The following ADK variants were observed in gnomAD, a reference collection of about 807,000 sequenced individuals.
ADK encodes adenosine kinase.
Under a neutral mutation model 44.7 loss-of-function variants are expected in ADK, and 24 were observed. That is an observed-to-expected ratio of 0.54 (90% CI 0.39 to 0.76). The LOEUF is 0.76. Ranked by LOEUF, ADK falls within the 30% of genes least tolerant of loss-of-function variation. The pLI is 0.00. For missense variants in ADK, 321 were observed against 425.1 expected (o/e 0.76, Z 2.15); for synonymous variants, 128 against 142.6 (o/e 0.90, Z 0.73).
Position 74,372,054 on chromosome 10 carries a change from A to G in ADK, c.274-22087A>G, listed in dbSNP as rs997146663. 6 of 760,256 alleles carry G rather than the reference A, an allele frequency of 7.9e-6. No individual in the cohort carries two copies. In the African/African-American group the frequency reaches 1.0e-4, roughly 13 times the overall value. The allele number at this position is 760,256 out of a possible 1,614,324, so 47.1% of individuals were successfully genotyped here. ...TAAGGGAGCTCACTCAATGGGTTTG[A>G]TGTGGTGGATGCCAGCCCGGGAAGG... On this transcript the variant is annotated intron_variant, in intron 4 of 10. Coordinates refer to ENST00000539909, the MANE Select transcript of ADK (RefSeq NM_006721.4).
chr10:74,179,232 A>G (rs910111466), intron 1 of ADK, among the ~76,000 whole-genome samples: 10 of 152,190 alleles, frequency 6.6e-5, no homozygotes, highest in Admixed American at 5.9e-4. Flanking sequence ...CCTGGTGAAC[A>G]CTACATTTAA....
At chr10:74,630,403 T>C (rs1853368304) in intron 9 of ADK, among the ~76,000 whole-genome samples, 1 of 151,702 alleles carries the variant, frequency 6.6e-6, no homozygotes, top group Admixed American at 6.6e-5. Context: ...TTTTATTCTG[T>C]TACTATCTGG....
chr10:74,482,102 T>C (rs2133355722), intron 6 of ADK, among the ~76,000 whole-genome samples: 1 of 152,346 alleles, frequency 6.6e-6, no homozygotes, highest in South Asian at 2.1e-4. Context: ...TTTGTATTAG[T>C]CCTTTCTTGC....
intron 7 of ADK, among the ~76,000 whole-genome samples, chr10:74,545,839 A>T (rs1190543994): frequency 6.6e-6 from 1 of 152,206 alleles, no homozygotes; most frequent in East Asian, 1.9e-4. Flanking sequence ...TACAGTGGGT[A>T]TTAGTACTAA....
Position 74,582,292 on chromosome 10 carries a change from CAG to C in ADK, c.727-6987_727-6986del, listed in dbSNP as rs138255726. ...TGCCACTGTATTCCATCCTGGGCAA[CAG>C]AGTGAGACCCAATCTCAAAAAAAAA... On this transcript the variant is annotated intron_variant, in intron 7 of 10. Transcript: ENST00000539909. Among the ~76,000 whole-genome samples the C allele has an allele frequency of 5.9e-3, 885 of 151,228 alleles. 12 individuals are homozygous for C. The highest frequency in any genetic ancestry group is 0.021 in the African/African-American group (848 of 41,052).
chr10:74,562,038 G>T lies in ADK; in HGVS notation c.727-27244G>T, dbSNP rs143151863. ...GTATACAACCTTCTCGCCTTCTCTA[G>T]GTCCCTAAAAGTCATTTCTTAATTC... On this transcript the variant is annotated intron_variant, in intron 7 of 10. Coordinates refer to ENST00000539909, the MANE Select transcript of ADK (RefSeq NM_006721.4). Among the ~76,000 whole-genome samples, 674 of 152,254 alleles carry T rather than the reference G, an allele frequency of 4.4e-3. 18 individuals carry two copies. Among genetic ancestry groups the T allele is most frequent in the Admixed American group, 0.035 (529 of 15,290 alleles).
intron 4 of ADK, among the ~76,000 whole-genome samples, chr10:74,358,485 A>T (rs1358102927): frequency 8.5e-5 from 13 of 152,254 alleles, no homozygotes; most frequent in Non-Finnish European, 1.6e-4. Context: ...TGACCAAAGT[A>T]ATATAACTGA....
intron 7 of ADK, among the ~76,000 whole-genome samples, chr10:74,572,767 T>G (rs1351049190): frequency 3.9e-5 from 6 of 152,214 alleles, no homozygotes; most frequent in Non-Finnish European, 7.3e-5. Flanking sequence ...CTTCCATCAC[T>G]GATACCCTTT....
intron 7 of ADK, among the ~76,000 whole-genome samples, chr10:74,552,892 C>T (rs1850085530): frequency 6.6e-6 from 1 of 152,164 alleles, no homozygotes; most frequent in Non-Finnish European, 1.5e-5. Flanking sequence ...ACCCATCACT[C>T]ATCCACTTGA....
Position 74,684,987 on chromosome 10 carries a change from G to A in ADK, c.964+14718G>A, listed in dbSNP as rs544608774. ...AAAAGCTGATGCACGTTGTGCAAAA[G>A]GTAAGCATCAGAGTAAGGAGTTGCT... On this transcript the variant is annotated intron_variant, in intron 10 of 10. Transcript: ENST00000539909. Among the ~76,000 whole-genome samples the A allele has an allele frequency of 3.9e-5, 6 of 152,206 alleles. No individual in the cohort carries two copies. In the South Asian group the frequency reaches 1.0e-3, roughly 26 times the overall value.
At chr10:74,356,011 T>TG (rs1564672635) in intron 4 of ADK, among the ~76,000 whole-genome samples, 6 of 130,148 alleles carry the variant, frequency 4.6e-5, no homozygotes, top group African/African-American at 8.7e-5. Context: ...CATTTTTTTT[T>TG]TTTTTTTTTT....
At chr10:74,157,065 G>C (rs944234797) in intron 1 of ADK, among the ~76,000 whole-genome samples, 1 of 152,200 alleles carries the variant, frequency 6.6e-6, no homozygotes, top group Non-Finnish European at 1.5e-5. Flanking sequence ...TCTGCTCTTG[G>C]CTGTTGCTTT....
At chr10:74,226,967 A>C (rs890476601) in intron 3 of ADK, among the ~76,000 whole-genome samples, 2 of 150,596 alleles carry the variant, frequency 1.3e-5, no homozygotes, top group African/African-American at 5.0e-5. Flanking sequence ...CAGAGTATTA[A>C]TTTTAAAAAA....
chr10:74,268,999 T>C (rs1846321834), intron 3 of ADK, among the ~76,000 whole-genome samples: 1 of 152,238 alleles, frequency 6.6e-6, no homozygotes, highest in Non-Finnish European at 1.5e-5. Flanking sequence ...GGGAGAAAGA[T>C]GAATGATTAA....
At chr10:74,480,226 C>CTTTCTTTCTTTCT (rs1554865927) in intron 6 of ADK, among the ~76,000 whole-genome samples, 144 of 133,124 alleles carry the variant, frequency 1.1e-3, no homozygotes, top group African/African-American at 4.4e-3. Flanking sequence ...TTCTTTCTTT[C>CTTTCTTTCTTTCT]TTTTTTTTTT....
chr10:74,271,944 G>A (rs1846448213), intron 3 of ADK, among the ~76,000 whole-genome samples: 1 of 151,988 alleles, frequency 6.6e-6, no homozygotes, highest in Non-Finnish European at 1.5e-5. Context: ...GAAACCAACT[G>A]TACTGCAAAC....
chr10:74,200,480 G>A (rs1292847191), intron 1 of ADK, among the ~76,000 whole-genome samples: 4 of 135,082 alleles, frequency 3.0e-5, no homozygotes, highest in South Asian at 2.3e-4. Flanking sequence ...GCGAAACTCC[G>A]TGTCCAAAAA....
At chr10:74,252,730 C>G (rs1176754454) in intron 3 of ADK, among the ~76,000 whole-genome samples, 3 of 152,108 alleles carry the variant, frequency 2.0e-5, no homozygotes, top group African/African-American at 7.2e-5. Flanking sequence ...GACAGTTAAC[C>G]TACGTTTCAG....
intron 4 of ADK, among the ~76,000 whole-genome samples, chr10:74,316,442 T>C (rs1014060699): frequency 1.3e-5 from 2 of 152,122 alleles, no homozygotes; most frequent in Non-Finnish European, 2.9e-5. Flanking sequence ...GTGGAGGTAA[T>C]TGAGTCATGG....
Sources: gnomAD v4.1 joint callset for allele counts (sites outside exome capture counted in the v4.1 genomes callset) on GRCh38, gnomAD v4.1.1 for gene constraint, MANE v1.5 for transcripts, NCBI Gene and HGNC (gene_info 2026-07-23, HGNC 2026-07-21) for gene names.